The following DOCK2 variants were observed in gnomAD, a reference collection of about 807,000 sequenced individuals.
DOCK2 encodes dedicator of cytokinesis 2.
A neutral mutation model predicts 248.9 loss-of-function variants in DOCK2; 87 were observed. That is an observed-to-expected ratio of 0.35 (90% CI 0.29 to 0.42). The LOEUF is 0.42. Among genes scored for constraint, DOCK2 ranks in the 10% least tolerant of loss-of-function variants. The pLI is 1.00. For missense variants in DOCK2, 1,747 were observed against 2,300.2 expected (o/e 0.76, Z 4.92); for synonymous variants, 805 against 821.6 (o/e 0.98, Z 0.35).
chr5:169,780,851 CAA>C (rs1034186251), intron 25 of DOCK2, among the ~76,000 whole-genome samples: 16 of 152,298 alleles, frequency 1.1e-4, no homozygotes, highest in African/African-American at 3.8e-4. Flanking sequence ...TTGATATAAA[CAA>C]GAGTTAAGTT....
intron 24 of DOCK2, among the ~76,000 whole-genome samples, chr5:169,760,674 C>A (rs1764434411): frequency 6.6e-6 from 1 of 152,182 alleles, no homozygotes; most frequent in African/African-American, 2.4e-5. Flanking sequence ...TTCTCTGACA[C>A]AGCTCCCTAT....
At chr5:169,732,546 T>C (rs1022265942) in intron 22 of DOCK2, among the ~76,000 whole-genome samples, 1 of 152,198 alleles carries the variant, frequency 6.6e-6, no homozygotes. Context: ...ATCAAATTCA[T>C]GATGTGCTCT....
chr5:169,677,770 A>G (rs1265405339), intron 6 of DOCK2, among the ~76,000 whole-genome samples: 1 of 152,206 alleles, frequency 6.6e-6, no homozygotes, highest in Non-Finnish European at 1.5e-5. Flanking sequence ...GACACAGGGC[A>G]TTGTAAGGAA....
At chr5:169,969,693 A>C (rs1373586060) in intron 27 of DOCK2, among the ~76,000 whole-genome samples, 1 of 150,912 alleles carries the variant, frequency 6.6e-6, no homozygotes, top group Non-Finnish European at 1.5e-5. Flanking sequence ...AACAACAGTG[A>C]GAGAACTAGG....
intron 27 of DOCK2, among the ~76,000 whole-genome samples, chr5:169,947,603 T>C (rs1776499575): frequency 6.6e-6 from 1 of 152,218 alleles, no homozygotes; most frequent in Non-Finnish European, 1.5e-5. Context: ...TGATGCTTTT[T>C]TGTCTCATTA....
At chr5:170,053,966 G>A (rs1757015967) in intron 41 of DOCK2, among the ~76,000 whole-genome samples, 1 of 152,204 alleles carries the variant, frequency 6.6e-6, no homozygotes, top group South Asian at 2.1e-4. Flanking sequence ...CTGGAGGGTG[G>A]ATCCTAAGAG....
At position 169,793,915 on chromosome 5, in the gene DOCK2, C is replaced by T. The variant is rs373086285; in HGVS notation, c.2555-9143C>T. Among the ~76,000 whole-genome samples the T allele has an allele frequency of 3.3e-5, 5 of 152,298 alleles. No individual in the cohort carries two copies. In the East Asian group the frequency reaches 9.6e-4, roughly 29 times the overall value. ...AGCTGCCTTCTCCCCGTTCAGGTCT[C>T]AGCTTAAGTGTGCCCGGCTCAGCGA... is the stretch of plus-strand genomic sequence containing the variant. On this transcript the variant is annotated intron_variant, in intron 25 of 51. Coordinates refer to ENST00000520908, the MANE Select transcript of DOCK2 (RefSeq NM_004946.3).
Position 170,067,545 on chromosome 5 carries a change from C to T in DOCK2, c.4503C>T (p.Thr1501=), listed in dbSNP as rs755575722. 6.2e-7 allele frequency: 1 copy of T among 1,614,136 alleles called. No homozygotes were observed. The highest frequency in any genetic ancestry group is 1.1e-5 in the South Asian group (1 of 91,074). ...GTCCTCTGGAGAATGCCATAGAAAC[C>T]ATGTCCACGGCCAATGAGAAGATCC... ...TISPLENAIE[T]MSTANEKILM... Residue 1501 remains threonine, a synonymous_variant, in exon 45 of 52, where the codon ACC becomes ACT. Coordinates refer to ENST00000520908, the MANE Select transcript of DOCK2 (RefSeq NM_004946.3).
chr5:169,715,577 C>T (rs549370613), intron 19 of DOCK2, among the ~76,000 whole-genome samples: 56 of 151,550 alleles, frequency 3.7e-4, no homozygotes, highest in Non-Finnish European at 7.1e-4. Context: ...TTGTTGTCTT[C>T]CTCTTGCATT....
intron 27 of DOCK2, among the ~76,000 whole-genome samples, chr5:169,867,683 C>T (rs1379614719): frequency 1.3e-5 from 2 of 152,010 alleles, no homozygotes; most frequent in African/African-American, 2.4e-5. Context: ...ATCTATTGAT[C>T]CCCCCACACA....
intron 22 of DOCK2, among the ~76,000 whole-genome samples, chr5:169,726,284 G>T (rs1257383142): frequency 6.6e-6 from 1 of 152,034 alleles, no homozygotes; most frequent in Non-Finnish European, 1.5e-5. Flanking sequence ...TTTCATGTTT[G>T]TTGGCTGCAT....
At chr5:169,689,774 C>T (rs1473388279) in intron 9 of DOCK2, among the ~76,000 whole-genome samples, 1 of 152,286 alleles carries the variant, frequency 6.6e-6, no homozygotes. Context: ...TATTGACTGC[C>T]TTGGTAAATT....
At chr5:169,702,812 AAG>A (rs1260373635) in intron 14 of DOCK2, among the ~76,000 whole-genome samples, 1 of 152,074 alleles carries the variant, frequency 6.6e-6, no homozygotes, top group East Asian at 1.9e-4. Context: ...CATGGTAAGA[AAG>A]AGGATCAATA....
intron 10 of DOCK2, among the ~76,000 whole-genome samples, chr5:169,696,557 T>A (rs756135206): frequency 7.9e-5 from 12 of 152,256 alleles, no homozygotes; most frequent in Non-Finnish European, 1.6e-4. Context: ...TTAATCAACC[T>A]GCTTTACATA....
chr5:169,853,804 C>CTTTTTTTTTTTTTTTTTTTTTTTT (rs67124138), intron 27 of DOCK2, among the ~76,000 whole-genome samples: 1 of 56,818 alleles, frequency 1.8e-5, no homozygotes, highest in Admixed American at 3.3e-4. Flanking sequence ...GGAAAAACAA[C>CTTTTTTTTTTTTTTTTTTTTTTTT]TTTTTTTTTT....
intron 27 of DOCK2, among the ~76,000 whole-genome samples, chr5:169,867,119 T>A (rs1034290746): frequency 6.6e-6 from 1 of 152,206 alleles, no homozygotes; most frequent in Admixed American, 6.5e-5. Flanking sequence ...TGGTGTATCA[T>A]AAAGGATATT....
At chr5:170,051,990 G>A (rs899048258) in intron 41 of DOCK2, among the ~76,000 whole-genome samples, 5 of 152,188 alleles carry the variant, frequency 3.3e-5, no homozygotes, top group Non-Finnish European at 7.3e-5. Context: ...GCAACAGACA[G>A]GATTCGCATG....
At chr5:169,879,236 A>G (rs1772499762) in intron 27 of DOCK2, among the ~76,000 whole-genome samples, 2 of 152,222 alleles carry the variant, frequency 1.3e-5, no homozygotes, top group Admixed American at 1.3e-4. Context: ...CACTGAGCGC[A>G]TCCATCATCG....
intron 1 of DOCK2, among the ~76,000 whole-genome samples, chr5:169,642,007 A>T (rs1473347630): frequency 6.6e-6 from 1 of 152,166 alleles, no homozygotes; most frequent in African/African-American, 2.4e-5. Flanking sequence ...ATTCTCTGTG[A>T]CTATGAGGTG....
Sources: allele counts gnomAD v4.1 joint callset (sites outside exome capture counted in the v4.1 genomes callset), GRCh38; gene constraint gnomAD v4.1.1; transcripts MANE v1.5; gene names NCBI Gene and HGNC (gene_info 2026-07-23, HGNC 2026-07-21).